The following PIK3C3 variants were observed in gnomAD, a reference collection of about 807,000 sequenced individuals.
The protein encoded by PIK3C3 is phosphatidylinositol 3-kinase catalytic subunit type 3, also known as PI3-kinase type 3.
PIK3C3 carries 95 observed loss-of-function variants against 126.1 expected under a neutral mutation model. The ratio of observed to expected loss-of-function variants is 0.75; its 90% CI spans 0.64 to 0.89. PIK3C3 has a LOEUF of 0.89. Ranked by LOEUF, PIK3C3 falls within the 40% of genes least tolerant of loss-of-function variation. PIK3C3 has a pLI of 0.00. For missense variants in PIK3C3, 829 were observed against 1,063.2 expected (o/e 0.78, Z 3.06); for synonymous variants, 374 against 360.0 (o/e 1.04, Z -0.44).
intron 16 of PIK3C3, among the ~76,000 whole-genome samples, chr18:42,036,579 G>A (rs1031914410): frequency 3.3e-5 from 5 of 151,542 alleles, no homozygotes; most frequent in African/African-American, 1.2e-4. Flanking sequence ...ATCTTAGCAT[G>A]CCACTTTATG....
chr18:42,021,239 C>T (rs922250763), intron 13 of PIK3C3, among the ~76,000 whole-genome samples: 2 of 151,996 alleles, frequency 1.3e-5, no homozygotes, highest in East Asian at 1.9e-4. Flanking sequence ...GTTTCTATGA[C>T]GTTAAATGGG....
At chr18:42,077,336 T>C in intron 24 of PIK3C3, among the ~76,000 whole-genome samples, 1 of 152,228 alleles carries the variant, frequency 6.6e-6, no homozygotes, top group East Asian at 1.9e-4. Flanking sequence ...TCACAAAAGA[T>C]CTCTCTGTAG....
chr18:42,079,201 A>G (rs1986146409), intron 24 of PIK3C3, among the ~76,000 whole-genome samples: 1 of 152,090 alleles, frequency 6.6e-6, no homozygotes, highest in African/African-American at 2.4e-5. Context: ...CTTCCCTTTC[A>G]CTTGATCACC....
At chr18:42,018,599 A>T (rs1181478182) in intron 12 of PIK3C3, among the ~76,000 whole-genome samples, 1 of 152,100 alleles carries the variant, frequency 6.6e-6, no homozygotes, top group Admixed American at 6.6e-5. Context: ...GCATTGGCAC[A>T]TCTACTTTGT....
intron 20 of PIK3C3, among the ~76,000 whole-genome samples, chr18:42,048,328 T>C (rs1391114582): frequency 6.6e-6 from 1 of 152,224 alleles, no homozygotes; most frequent in Non-Finnish European, 1.5e-5. Flanking sequence ...ACAGTCATCA[T>C]GTCGCAATCT....
At chr18:42,052,004 TAAAAA>T (rs1025016328) in intron 21 of PIK3C3, among the ~76,000 whole-genome samples, 6 of 151,580 alleles carry the variant, frequency 4.0e-5, no homozygotes, top group African/African-American at 1.4e-4. Flanking sequence ...ATAAAATAAA[TAAAAA>T]AGAATTTGCC....
rs140091700 is a variant in PIK3C3, at chr18:42,040,945, G to A, written c.2103+204G>A. ...ACATAGATTCTCAGTTCCTTGAACA[G>A]TGCATTGCATATCAAGGGATCAGGC... is the stretch of plus-strand genomic sequence containing the variant. On this transcript the variant is annotated intron_variant, in intron 19 of 24. Coordinates refer to ENST00000262039, the MANE Select transcript of PIK3C3 (RefSeq NM_002647.4). Among the ~76,000 whole-genome samples, 583 of 152,224 alleles carry A rather than the reference G, an allele frequency of 3.8e-3. 1 individual carries two copies. The highest frequency in any genetic ancestry group is 6.5e-3 in the Non-Finnish European group (439 of 68,022).
chr18:42,052,610 TATA>T (rs1168293416), intron 21 of PIK3C3: 1 of 152,162 alleles, frequency 6.6e-6, no homozygotes, highest in Non-Finnish European at 1.5e-5. Flanking sequence ...TCTAACAATT[TATA>T]ATAATTTTAA....
chr18:42,007,791 T>G (rs1024346079), intron 10 of PIK3C3, among the ~76,000 whole-genome samples: 21 of 152,200 alleles, frequency 1.4e-4, no homozygotes, highest in Admixed American at 4.6e-4. Context: ...AGCAGTCTAG[T>G]TTTTCATTGC....
intron 24 of PIK3C3, 95 bp downstream of exon 24, chr18:42,067,608 C>A: frequency 7.3e-7 from 1 of 1,361,286 alleles, no homozygotes; most frequent in Non-Finnish European, 1.0e-6. Flanking sequence ...CAGTTGACAT[C>A]TTTTCTGTTT....
chr18:42,012,750 T>C (rs1390112652), intron 10 of PIK3C3, among the ~76,000 whole-genome samples: 2 of 152,176 alleles, frequency 1.3e-5, no homozygotes, highest in Non-Finnish European at 2.9e-5. Context: ...CCAAGTTATC[T>C]CATTGATTGT....
At chr18:41,991,630 T>G (rs1159334786) in intron 6 of PIK3C3, among the ~76,000 whole-genome samples, 1 of 152,190 alleles carries the variant, frequency 6.6e-6, no homozygotes, top group Non-Finnish European at 1.5e-5. Flanking sequence ...TATGTATACT[T>G]TTATAAATTA....
chr18:41,972,246 T>C (rs372790727), intron 4 of PIK3C3, among the ~76,000 whole-genome samples: 132 of 152,226 alleles, frequency 8.7e-4, no homozygotes, highest in African/African-American at 3.1e-3. Flanking sequence ...TTGTGCACAT[T>C]AACAACTCTA....
At chr18:41,988,417 A>G (rs564986070) in intron 5 of PIK3C3, among the ~76,000 whole-genome samples, 11 of 152,272 alleles carry the variant, frequency 7.2e-5, no homozygotes, top group East Asian at 5.8e-4. Flanking sequence ...GATGGCTTCA[A>G]TGAGAGTCCT....
chr18:42,013,648 T>A, intron 11 of PIK3C3, 52 bp downstream of exon 11: 1 of 1,358,008 alleles, frequency 7.4e-7, no homozygotes, highest in Non-Finnish European at 1.0e-6. Flanking sequence ...TTTTCCCTTT[T>A]CAAATTGTTT....
chr18:42,012,700 G>A (rs1464385071), intron 10 of PIK3C3, among the ~76,000 whole-genome samples: 2 of 152,256 alleles, frequency 1.3e-5, no homozygotes, highest in African/African-American at 4.8e-5. Context: ...GGAAAACTCA[G>A]TAAAGTGAAA....
intron 2 of PIK3C3, among the ~76,000 whole-genome samples, chr18:41,958,033 G>A (rs1427880462): frequency 6.6e-6 from 1 of 152,070 alleles, no homozygotes; most frequent in African/African-American, 2.4e-5. Context: ...AAACACGTCT[G>A]TGGCATTTTA....
chr18:41,996,114 C>A (rs1000631659), intron 8 of PIK3C3, 120 bp downstream of exon 8: 54 of 679,012 alleles, frequency 8.0e-5, no homozygotes, highest in Non-Finnish European at 1.2e-4. Context: ...TTGATGAATC[C>A]TACATCATGT....
Position 41,955,376 on chromosome 18 carries a change from G to C in PIK3C3, c.68+17G>C. ...GCTTAAGATGTAAGAGAACACTCGG[G>C]ACAGGGAGTGGGATTGCTGGGGCGT... On this transcript the variant is annotated intron_variant, in intron 1 of 24. Coordinates refer to ENST00000262039, the MANE Select transcript of PIK3C3 (RefSeq NM_002647.4). The C allele has an allele frequency of 6.2e-7, 1 of 1,607,072 alleles. No homozygotes were observed. Among genetic ancestry groups the C allele is most frequent in the Non-Finnish European group, 8.5e-7 (1 of 1,174,524 alleles).
Sources: gnomAD v4.1 joint callset for allele counts (sites outside exome capture counted in the v4.1 genomes callset) on GRCh38, gnomAD v4.1.1 for gene constraint, MANE v1.5 for transcripts, NCBI Gene and HGNC (gene_info 2026-07-23, HGNC 2026-07-21) for gene names.